Variants in LSAMP observed in about 807,000 individuals in gnomAD.
LSAMP encodes limbic system-associated membrane protein.
LSAMP carries 7 observed loss-of-function variants against 38.6 expected under a neutral mutation model. That is an observed-to-expected ratio of 0.18 (90% CI 0.10 to 0.34). The LOEUF (loss-of-function observed/expected upper bound fraction) is 0.34. LSAMP is among the 10% of genes least tolerant of loss of function. LSAMP has a pLI of 1.00. For synonymous variants in LSAMP, 154 were observed against 166.8 expected (o/e 0.92, Z 0.59); for missense variants, 313 against 420.0 (o/e 0.75, Z 2.23).
chr3:116,285,249 C>G (rs13100898), intron 1 of LSAMP, among the ~76,000 whole-genome samples: 1 of 152,032 alleles, frequency 6.6e-6, no homozygotes. Context: ...AATGGCCTCC[C>G]GTCACTCATG....
intron 1 of LSAMP, among the ~76,000 whole-genome samples, chr3:116,313,217 G>A (rs1263648435): frequency 6.6e-6 from 1 of 152,140 alleles, no homozygotes; most frequent in Non-Finnish European, 1.5e-5. Context: ...AATCACCACA[G>A]CTCTGCAACA....
chr3:116,105,237 G>T (rs747935911), intron 1 of LSAMP, among the ~76,000 whole-genome samples: 1 of 151,584 alleles, frequency 6.6e-6, no homozygotes, highest in Non-Finnish European at 1.5e-5. Flanking sequence ...AACAAATACT[G>T]CCAGGCAATT....
chr3:115,857,675 C>G (rs1243159254), intron 3 of LSAMP, among the ~76,000 whole-genome samples: 1 of 152,142 alleles, frequency 6.6e-6, no homozygotes, highest in African/African-American at 2.4e-5. Flanking sequence ...TTTTGTGTCT[C>G]CTGGCAATAT....
chr3:116,226,777 A>C (rs1480898736), intron 1 of LSAMP, among the ~76,000 whole-genome samples: 1 of 152,218 alleles, frequency 6.6e-6, no homozygotes, highest in East Asian at 1.9e-4. Flanking sequence ...GCATGGCTGC[A>C]TATGATAACA....
At chr3:116,276,684 G>T (rs796423469) in intron 1 of LSAMP, among the ~76,000 whole-genome samples, 1 of 106,816 alleles carries the variant, frequency 9.4e-6, no homozygotes, top group Non-Finnish European at 2.1e-5. Flanking sequence ...TAAAAAAAAA[G>T]AAAAAAAAAA....
At chr3:116,350,901 T>C (rs2048129807) in intron 1 of LSAMP, among the ~76,000 whole-genome samples, 1 of 152,036 alleles carries the variant, frequency 6.6e-6, no homozygotes, top group Non-Finnish European at 1.5e-5. Context: ...CAGTGCATGA[T>C]AAGTGCTTGG....
At chr3:115,881,041 T>TAAATAAAA (rs1352807798) in intron 3 of LSAMP, among the ~76,000 whole-genome samples, 29 of 149,860 alleles carry the variant, frequency 1.9e-4, no homozygotes, top group African/African-American at 6.6e-4. Context: ...GTCTCAAAAA[T>TAAATAAAA]AAATAAATAA....
chr3:116,200,952 A>C (rs1445599708), intron 1 of LSAMP, among the ~76,000 whole-genome samples: 1 of 152,212 alleles, frequency 6.6e-6, no homozygotes, highest in Non-Finnish European at 1.5e-5. Context: ...TTATTGCCTT[A>C]ATTGCTTAAG....
intron 1 of LSAMP, among the ~76,000 whole-genome samples, chr3:116,410,078 C>G (rs537132763): frequency 1.3e-5 from 2 of 152,170 alleles, no homozygotes; most frequent in South Asian, 4.1e-4. Context: ...TCTCACTTTC[C>G]CATCCTTTCT....
At chr3:116,290,130 C>T (rs1000186404) in intron 1 of LSAMP, among the ~76,000 whole-genome samples, 2 of 152,040 alleles carry the variant, frequency 1.3e-5, no homozygotes, top group African/African-American at 4.8e-5. Context: ...AGAATGGCAC[C>T]TTTGAGTGGG....
chr3:116,190,128 C>CACACACACACACACACAT (rs768880292), intron 1 of LSAMP, among the ~76,000 whole-genome samples: 11 of 146,304 alleles, frequency 7.5e-5, no homozygotes, highest in African/African-American at 2.0e-4. Flanking sequence ...CACACACACA[C>CACACACACACACACACAT]ATGCATTAAG....
At chr3:116,386,199 C>A (rs2048624376) in intron 1 of LSAMP, among the ~76,000 whole-genome samples, 1 of 152,088 alleles carries the variant, frequency 6.6e-6, no homozygotes, top group African/African-American at 2.4e-5. Context: ...TGGTTAAGAT[C>A]ACGGGATTGG....
intron 3 of LSAMP, among the ~76,000 whole-genome samples, chr3:115,979,848 T>G (rs56265174): frequency 0.14 from 21,660 of 152,162 alleles, 1,841 homozygotes; most frequent in Non-Finnish European, 0.2. Context: ...AGTTGTTTAA[T>G]AAGTGTTTGC....
intron 3 of LSAMP, among the ~76,000 whole-genome samples, chr3:115,929,006 C>CTATT (rs976118206): frequency 1.0e-4 from 8 of 80,250 alleles, no homozygotes; most frequent in African/African-American, 4.1e-4. Context: ...TTTTATGGGG[C>CTATT]TAGTTAGGTA....
intron 3 of LSAMP, among the ~76,000 whole-genome samples, chr3:115,922,684 A>G (rs769567370): frequency 1.3e-5 from 2 of 151,906 alleles, no homozygotes; most frequent in South Asian, 4.2e-4. Context: ...GTCTCTATAG[A>G]CTTGCTTTTA....
At chr3:115,914,089 C>G (rs1437856720) in intron 3 of LSAMP, among the ~76,000 whole-genome samples, 6 of 152,080 alleles carry the variant, frequency 3.9e-5, no homozygotes, top group Non-Finnish European at 7.4e-5. Context: ...GTGGCAGCTC[C>G]GCAGATACAA....
At chr3:115,861,537 T>C (rs1935702508) in intron 3 of LSAMP, among the ~76,000 whole-genome samples, 1 of 152,042 alleles carries the variant, frequency 6.6e-6, no homozygotes, top group Admixed American at 6.6e-5. Context: ...GGAGAAGGAA[T>C]GTGGACCCTG....
chr3:116,401,197 A>G (rs1200354944), intron 1 of LSAMP, among the ~76,000 whole-genome samples: 1 of 152,218 alleles, frequency 6.6e-6, no homozygotes, highest in Non-Finnish European at 1.5e-5. Context: ...AAAACCCCAG[A>G]GAGATTTATT....
At chr3:116,065,287 A>C (rs1707396856) in intron 2 of LSAMP, among the ~76,000 whole-genome samples, 1 of 152,230 alleles carries the variant, frequency 6.6e-6, no homozygotes, top group Non-Finnish European at 1.5e-5. Flanking sequence ...GGTAATTTTA[A>C]AACAGTTAGA....
Sources: allele counts gnomAD v4.1 joint callset (sites outside exome capture counted in the v4.1 genomes callset), GRCh38; gene constraint gnomAD v4.1.1; transcripts MANE v1.5; gene names NCBI Gene and HGNC (gene_info 2026-07-23, HGNC 2026-07-21).